TRPC7: variants seen among roughly 807,000 people sequenced by gnomAD.
TRPC7 encodes transient receptor potential cation channel subfamily C member 7, also known as short transient receptor potential channel 7.
In TRPC7, 42 loss-of-function variants were observed where a neutral mutation model predicts 90.1. The ratio of observed to expected loss-of-function variants is 0.47; its 90% CI spans 0.36 to 0.60. The LOEUF is 0.60. TRPC7 is among the 20% of genes least tolerant of loss of function. The probability of loss-of-function intolerance (pLI) is 0.00; values close to 1 mark genes in which losing one functional copy is unlikely to be tolerated. For missense variants in TRPC7, 955 were observed against 1,112.3 expected, an observed-to-expected ratio of 0.86 and a Z score of 2.01; for synonymous variants, 451 against 436.3, an observed-to-expected ratio of 1.03 and a Z score of -0.42.
intron 3 of TRPC7, among the ~76,000 whole-genome samples, chr5:136,296,182 C>T (rs1158156491): frequency 6.6e-6 from 1 of 152,130 alleles, no homozygotes; most frequent in African/African-American, 2.4e-5. Context: ...AAATACTCAT[C>T]TGCTTAGTAA....
chr5:136,290,255 G>A (rs546989681), intron 3 of TRPC7, among the ~76,000 whole-genome samples: 18 of 152,332 alleles, frequency 1.2e-4, no homozygotes, highest in East Asian at 7.7e-4. Context: ...CCAAAGGAAC[G>A]CAGCTCCTCA....
At chr5:136,230,447 T>C (rs922270629) in intron 8 of TRPC7, among the ~76,000 whole-genome samples, 1 of 152,198 alleles carries the variant, frequency 6.6e-6, no homozygotes, top group African/African-American at 2.4e-5. Flanking sequence ...TTTCTTTCTC[T>C]CTTACACAAG....
intron 2 of TRPC7, among the ~76,000 whole-genome samples, chr5:136,338,046 G>A (rs1442576646): frequency 6.6e-6 from 1 of 152,146 alleles, no homozygotes; most frequent in Non-Finnish European, 1.5e-5. Context: ...GGGAGGGAAT[G>A]GTGGGGAGAG....
intron 10 of TRPC7, among the ~76,000 whole-genome samples, chr5:136,223,106 C>T (rs1755512766): frequency 1.3e-5 from 2 of 152,234 alleles, no homozygotes; most frequent in Admixed American, 1.3e-4. Context: ...TGTTTCTTTT[C>T]TGTGACAACT....
chr5:136,342,040 C>T (rs189656218), intron 2 of TRPC7, among the ~76,000 whole-genome samples: 70 of 152,172 alleles, frequency 4.6e-4, no homozygotes, highest in South Asian at 1.0e-3. Flanking sequence ...TTTTTAGTAG[C>T]CTTTCAGGTA....
At position 136,308,222 on chromosome 5, in the gene TRPC7, C is replaced by T. The variant is rs938893314; in HGVS notation, c.963+7375G>A. ...AACAAAACTTCCTCATGTAAAAGCC[C>T]TTCTGAGCCAGGAGATTAATGGATA... On this transcript the variant is annotated intron_variant, in intron 3 of 11. Coordinates refer to ENST00000513104, the MANE Select transcript of TRPC7 (RefSeq NM_020389.3). Among the ~76,000 whole-genome samples, 4 of 152,196 alleles carry T rather than the reference C, an allele frequency of 2.6e-5. No homozygotes were observed. The East Asian group carries it at 7.7e-4, about 29-fold the overall frequency.
intron 2 of TRPC7, among the ~76,000 whole-genome samples, chr5:136,318,132 C>A (rs895661022): frequency 1.3e-5 from 2 of 152,176 alleles, no homozygotes; most frequent in South Asian, 2.1e-4. Context: ...TGAATGGAAG[C>A]AGAGAGGGCC....
At chr5:136,218,773 C>T (rs964348621) in intron 10 of TRPC7, among the ~76,000 whole-genome samples, 6 of 152,146 alleles carry the variant, frequency 3.9e-5, no homozygotes, top group South Asian at 2.1e-4. Context: ...AGGATGAAGA[C>T]GCAAAGAAGC....
chr5:136,274,886 C>T, intron 3 of TRPC7, 49 bp from the exon 4 acceptor site: 1 of 1,534,816 alleles, frequency 6.5e-7, no homozygotes, highest in Non-Finnish European at 8.8e-7. Context: ...AGGAAAATGG[C>T]ATTGATAGCA....
rs369738325 is a variant in TRPC7 at position 136,225,152 on chromosome 5, T to G, written c.2343+122A>C. The G allele has an allele frequency of 6.3e-4, 529 of 843,740 alleles. 2 individuals carry two copies. The African/African-American group carries it at 8.4e-3, about 13-fold the overall frequency. 52.3% of individuals were successfully genotyped at this position (843,740 alleles called of 1,614,324 possible). ...ATATAGTAAGTACTCAATAAATATTTGTACAATAAAGGAAGGAATGAAGCT... is the reference window on the plus strand; with the variant it reads ...ATATAGTAAGTACTCAATAAATATTGGTACAATAAAGGAAGGAATGAAGCT... On this transcript the variant is annotated intron_variant, in intron 10 of 11. Transcript: ENST00000513104.
intron 3 of TRPC7, among the ~76,000 whole-genome samples, chr5:136,300,064 T>C (rs545684534): frequency 2.6e-5 from 4 of 152,288 alleles, no homozygotes; most frequent in Admixed American, 1.3e-4. Flanking sequence ...CTTTAAAGGA[T>C]TATCCTTTCA....
In TRPC7 at chr5:136,274,731, C is replaced by T; in HGVS notation, c.1070G>A (p.Gly357Glu). ...SIAVKFLAVF[G>E]VSIGLPFLAI... is the part of the protein sequence containing the mutation. ...GAGAAAAGGGAGGCCTATGGAGACT[C>T]CAAAGACAGCCAGGAATTTCACAGC... Residue 357 changes from glycine to glutamate, a missense_variant, in exon 4 of 12, where the codon GGA becomes GAA. By Grantham distance (98) the Gly-to-Glu change is moderately conservative. Coordinates refer to ENST00000513104, the MANE Select transcript of TRPC7 (RefSeq NM_020389.3). 1 of 1,612,812 alleles carries T rather than the reference C, an allele frequency of 6.2e-7. No individual in the cohort carries two copies. The highest frequency in any genetic ancestry group is 8.5e-7 in the Non-Finnish European group (1 of 1,179,528).
At chr5:136,306,922 ACT>A (rs1758654427) in intron 3 of TRPC7, among the ~76,000 whole-genome samples, 1 of 152,032 alleles carries the variant, frequency 6.6e-6, no homozygotes, top group Non-Finnish European at 1.5e-5. Context: ...CCCTTCGCTG[ACT>A]CTCTTTTCGG....
intron 3 of TRPC7, 131 bp from the exon 4 acceptor site, chr5:136,274,968 C>T (rs937915316): frequency 2.0e-6 from 2 of 1,019,090 alleles, no homozygotes; most frequent in Non-Finnish European, 2.8e-6. Flanking sequence ...GAGGAACCTG[C>T]AGTGGGTGGG....
chr5:136,321,921 T>C (rs572360974), intron 2 of TRPC7, among the ~76,000 whole-genome samples: 1 of 152,330 alleles, frequency 6.6e-6, no homozygotes, highest in African/African-American at 2.4e-5. Flanking sequence ...GATGTATTAG[T>C]TTGTTGATCT....
chr5:136,329,349 A>C (rs2149845612), intron 2 of TRPC7, among the ~76,000 whole-genome samples: 1 of 152,306 alleles, frequency 6.6e-6, no homozygotes, highest in African/African-American at 2.4e-5. Context: ...CTACTAAAAG[A>C]AAGCCCTTGC....
chr5:136,256,403 C>T (rs539787150), intron 5 of TRPC7, among the ~76,000 whole-genome samples: 76 of 152,246 alleles, frequency 5.0e-4, no homozygotes, highest in African/African-American at 1.8e-3. Flanking sequence ...CCTAATTTTC[C>T]TTAAGAACTT....
At chr5:136,345,314 G>C (rs960433016) in intron 2 of TRPC7, among the ~76,000 whole-genome samples, 43 of 152,192 alleles carry the variant, frequency 2.8e-4, no homozygotes, top group African/African-American at 9.7e-4. Flanking sequence ...CTAGCACTTT[G>C]GGAGGCCGAG....
intron 7 of TRPC7, among the ~76,000 whole-genome samples, chr5:136,236,199 C>T (rs1755973605): frequency 6.6e-6 from 1 of 152,192 alleles, no homozygotes. Context: ...AGGTCCCAGT[C>T]TACAAGCAAG....
Sources: allele counts gnomAD v4.1 joint callset (sites outside exome capture counted in the v4.1 genomes callset), GRCh38; gene constraint gnomAD v4.1.1; transcripts MANE v1.5; gene names NCBI Gene and HGNC (gene_info 2026-07-23, HGNC 2026-07-21).